The following STXBP2 variants were observed in gnomAD, a reference collection of about 807,000 sequenced individuals.
STXBP2 encodes syntaxin-binding protein 2.
Under a neutral mutation model 72.2 loss-of-function variants are expected in STXBP2, and 47 were observed. The observed-to-expected ratio is 0.65, with a 90% CI of 0.51 to 0.83. The LOEUF (loss-of-function observed/expected upper bound fraction) is 0.83, where lower values mean the gene tolerates loss of function less well. Among genes scored for constraint, STXBP2 ranks in the 40% least tolerant of loss-of-function variants. The pLI is 0.00. For synonymous variants in STXBP2, 367 were observed against 338.7 expected (o/e 1.08, Z -0.92); for missense variants, 702 against 807.6 (o/e 0.87, Z 1.58).
At chr19:7,632,734 C>T (rs868539711), upstream of STXBP2, 2 of 1,561,518 alleles carry the variant, frequency 1.3e-6, no homozygotes, top group Non-Finnish European at 8.6e-7. This position sits in a 1 kb window ranked among gnomAD's most constrained non-coding sequence, Gnocchi z 5.2. Flanking sequence ...GTGGTCTGGC[C>T]CGGCCCGGCT....
chr19:7,642,566 C>CG lies in STXBP2; in HGVS notation c.902+30_902+31insG. ...GTGCACACGGGGACCGGATCCCCCC[C>CG]CCACCGCCCACTGTGGGCCTGGTAG... On this transcript the variant is annotated intron_variant, in intron 10 of 18. Coordinates refer to ENST00000221283, the MANE Select transcript of STXBP2 (RefSeq NM_006949.4). The surrounding 1 kb of genome is among the most constrained non-coding windows in gnomAD (Gnocchi z 6.0). 6.2e-7 allele frequency: 1 copy of CG among 1,609,806 alleles called. No homozygotes were observed. Among genetic ancestry groups the CG allele is most frequent in the East Asian group, 2.2e-5 (1 of 44,858 alleles).
chr19:7,632,447 A>G (rs1394690443), upstream of STXBP2: 4 of 1,613,518 alleles, frequency 2.5e-6, no homozygotes, highest in Non-Finnish European at 3.4e-6. The surrounding 1 kb of genome is among the most constrained non-coding windows in gnomAD (Gnocchi z 5.2). Context: ...CACGTTGGTC[A>G]TCCATGCGGC....
At chr19:7,637,051 G>A, upstream of STXBP2, 6 of 1,206,088 alleles carry the variant, frequency 5.0e-6, no homozygotes, top group Non-Finnish European at 6.2e-6. Flanking sequence ...CAGGGGGCGG[G>A]GACAGGGCCC....
chr19:7,633,707 A>T (rs2031431344), upstream of STXBP2: 1 of 553,126 alleles, frequency 1.8e-6, no homozygotes. Flanking sequence ...CGCTGTGCCC[A>T]GCAGCAATGA....
chr19:7,642,034 G>C lies in STXBP2; in HGVS notation c.579G>C (p.Lys193Asn). The C allele has an allele frequency of 6.2e-7, 1 of 1,613,982 alleles. No homozygotes were observed. Among genetic ancestry groups the C allele is most frequent in the Non-Finnish European group, 8.5e-7 (1 of 1,179,936 alleles). ...CCCCCGTGTCTGACCTCCCCGCCAG[G>C]GGCCCAGAGGACACAGCCCAGTTGG... Reference protein sequence around the residue: ...LQEYPAIRYRKGPEDTAQLAH... With the variant: ...LQEYPAIRYRNGPEDTAQLAH... Residue 193 changes from lysine (K) to asparagine (N), a missense_variant and splice_region_variant, in exon 8 of 19, where the codon AAG (lysine) becomes AAC (asparagine). Physicochemically the swap from Lys to Asn is moderately conservative, Grantham distance 94. Transcript: ENST00000221283. This position sits in a 1 kb window ranked among gnomAD's most constrained non-coding sequence, Gnocchi z 6.0.
intron 3 of STXBP2, 98 bp from the exon 4 acceptor site, chr19:7,639,632 AC>A: frequency 9.1e-7 from 1 of 1,104,370 alleles, no homozygotes; most frequent in South Asian, 1.3e-5. Context: ...CTAAGCATCC[AC>A]CCCTCCTCCC....
rs763174109 is a variant in STXBP2 at position 7,642,455 on chromosome 19, C to A, written c.821C>A (p.Ala274Glu). The A allele has an allele frequency of 2.5e-6, 4 of 1,613,894 alleles. No individual in the cohort carries two copies. Among genetic ancestry groups the A allele is most frequent in the Non-Finnish European group, 3.4e-6 (4 of 1,180,032 alleles). ...YRYETTGLSE[A>E]REKAVLLDED... ...TATGAGACCACCGGGCTGAGCGAGG[C>A]GCGGGAGAAGGCCGTCTTGCTGGAC... Residue 274 changes from alanine (A) to glutamate (E), a missense_variant, in exon 10 of 19, where the codon GCG (alanine) becomes GAG (glutamate). Physicochemically the swap from Ala to Glu is moderately radical, Grantham distance 107 (BLOSUM62 -1). Transcript: ENST00000221283. This position sits in a 1 kb window ranked among gnomAD's most constrained non-coding sequence, Gnocchi z 6.0.
chr19:7,639,087 T>G lies in STXBP2; in HGVS notation c.156T>G (p.Ala52=). The G allele has an allele frequency of 6.2e-7, 1 of 1,614,208 alleles. No homozygotes were observed. Among genetic ancestry groups the G allele is most frequent in the Non-Finnish European group, 8.5e-7 (1 of 1,180,026 alleles). The change falls in exon 3 of 19, where the codon GCT becomes GCG. Residue 52 remains alanine (A), a synonymous_variant. Coordinates refer to ENST00000221283, the MANE Select transcript of STXBP2 (RefSeq NM_006949.4). ...SSCCKMSDIL[A]EGITIVEDIN... ...GCTGCAAAATGTCAGATATCCTGGC[T>G]GAGGGCATCACCAGTGAGTGAACGC...
At chr19:7,643,132 G>A in intron 12 of STXBP2, 33 bp from the exon 13 acceptor site, 3 of 1,614,054 alleles carry the variant, frequency 1.9e-6, no homozygotes, top group Non-Finnish European at 2.5e-6. Context: ...CTCAGCCTTT[G>A]TTATCCCCCA....
upstream of STXBP2, chr19:7,633,868 C>G (rs1045760205): frequency 5.2e-6 from 1 of 192,438 alleles, no homozygotes; most frequent in Non-Finnish European, 1.1e-5. Flanking sequence ...CCCCCACTGG[C>G]TCCTGAAAGG....
intron 16 of STXBP2, chr19:7,646,711 G>A (rs2032152011): frequency 2.5e-6 from 1 of 407,576 alleles, no homozygotes; most frequent in Non-Finnish European, 4.5e-6. Context: ...CTTCCTCCTT[G>A]TCCCTCTAAG....
At chr19:7,635,720 T>C (rs187394089), upstream of STXBP2, among the ~76,000 whole-genome samples, 1,430 of 148,790 alleles carry the variant, frequency 9.6e-3, 24 homozygotes, top group African/African-American at 0.032. Context: ...CAAACAAAAA[T>C]GGGGAGGAGG....
intron 1 of STXBP2, 84 bp downstream of exon 1, chr19:7,637,270 A>G: frequency 1.0e-6 from 1 of 985,936 alleles, no homozygotes; most frequent in Non-Finnish European, 1.2e-6. Flanking sequence ...CCTGGGTTTC[A>G]TGGCGGCTGG....
upstream of STXBP2, chr19:7,632,400 C>T: frequency 4.3e-6 from 7 of 1,613,928 alleles, no homozygotes; most frequent in Non-Finnish European, 4.2e-6. The surrounding 1 kb of genome is among the most constrained non-coding windows in gnomAD (Gnocchi z 5.2). Context: ...TACCTTGGAC[C>T]CCACGGGCTG....
upstream of STXBP2, chr19:7,632,716 G>T (rs903506353): frequency 1.3e-6 from 2 of 1,557,124 alleles, no homozygotes; most frequent in South Asian, 2.3e-5. This position sits in a 1 kb window ranked among gnomAD's most constrained non-coding sequence, Gnocchi z 5.2. Context: ...CCATGCTCAC[G>T]GCTCTTGGTG....
chr19:7,640,041 T>G (rs1429349210), intron 4 of STXBP2: 1 of 655,454 alleles, frequency 1.5e-6, no homozygotes, highest in Non-Finnish European at 2.8e-6. Context: ...TGTGCGTCTG[T>G]GTGTGCATTT....
chr19:7,640,347 C>A, intron 4 of STXBP2: 2 of 447,712 alleles, frequency 4.5e-6, no homozygotes, highest in East Asian at 5.8e-5. Context: ...TGTGTGTATG[C>A]GTCTGTGCAT....
chr19:7,633,290 TG>T, upstream of STXBP2: 3 of 1,074,792 alleles, frequency 2.8e-6, no homozygotes, highest in Non-Finnish European at 4.1e-6. Context: ...CAGCCACAAC[TG>T]GGTCAGGGGG....
At chr19:7,630,085 C>A in the STXBP2 span, 1 of 487,710 alleles carries the variant, frequency 2.1e-6, no homozygotes. Flanking sequence ...AGGGCTGGTC[C>A]GAGGAAGGAC....
Sources: allele counts gnomAD v4.1 joint callset (sites outside exome capture counted in the v4.1 genomes callset), GRCh38; gene constraint gnomAD v4.1.1; non-coding constraint Gnocchi (gnomAD v3.1); transcripts MANE v1.5; gene names NCBI Gene and HGNC (gene_info 2026-07-23, HGNC 2026-07-21).